HDAC9: variants seen among roughly 807,000 people sequenced by gnomAD.
The protein encoded by HDAC9 is histone deacetylase 9, also known as MEF-2 interacting transcription repressor (MITR) protein.
Under a neutral mutation model 139.4 loss-of-function variants are expected in HDAC9, and 41 were observed. That is an observed-to-expected ratio of 0.29 (90% CI 0.23 to 0.38). HDAC9 has a LOEUF of 0.38. HDAC9 is among the 10% of genes least tolerant of loss of function. The pLI is 1.00. For synonymous variants in HDAC9, 517 were observed against 476.2 expected (o/e 1.09, Z -1.12); for missense variants, 1,147 against 1,297.0 (o/e 0.88, Z 1.78).
At chr7:18,708,410 T>C (rs1330992097) in intron 12 of HDAC9, among the ~76,000 whole-genome samples, 1 of 152,204 alleles carries the variant, frequency 6.6e-6, no homozygotes, top group East Asian at 1.9e-4. Context: ...TGGCTTTCTC[T>C]AACTGTCACA....
intron 11 of HDAC9, among the ~76,000 whole-genome samples, chr7:18,652,221 A>T (rs1260621609): frequency 2.6e-5 from 4 of 152,116 alleles, no homozygotes; most frequent in African/African-American, 9.6e-5. Context: ...TTATACCAGC[A>T]TCAAGGGAAG....
intron 25 of HDAC9, among the ~76,000 whole-genome samples, chr7:18,980,745 CCTTCTTCTTCTTCCTTCTT>C (rs1784877116): frequency 3.1e-5 from 1 of 32,680 alleles, no homozygotes; most frequent in African/African-American, 9.5e-5. Context: ...TCTTCTTCTT[CCTTCTTCTTCTTCCTTCTT>C]CTTCTTCTTC....
chr7:18,696,113 T>C (rs1055709553), intron 12 of HDAC9, among the ~76,000 whole-genome samples: 6 of 151,996 alleles, frequency 3.9e-5, no homozygotes, highest in African/African-American at 1.4e-4. Context: ...ATATCATTTT[T>C]GTCTTTTCCT....
chr7:18,421,409 GAAGGAAGGAAAGGA>G (rs1340035030), intron 1 of HDAC9, among the ~76,000 whole-genome samples: 2 of 147,728 alleles, frequency 1.4e-5, no homozygotes, highest in Admixed American at 6.8e-5. Context: ...GGGAAGAAAA[GAAGGAAGGAAAGGA>G]AAGGAAGGAA....
chr7:18,829,601 T>A (rs1167613431), intron 19 of HDAC9, 53 bp downstream of exon 19: 1 of 1,125,936 alleles, frequency 8.9e-7, no homozygotes, highest in East Asian at 2.4e-5. Context: ...TAAAGGGGAG[T>A]GGATTTGTAT....
At chr7:18,855,002 TA>T (rs1797571171) in intron 21 of HDAC9, among the ~76,000 whole-genome samples, 2 of 152,252 alleles carry the variant, frequency 1.3e-5, no homozygotes, top group South Asian at 4.1e-4. Context: ...AATGCTTTCA[TA>T]ATATAATGGG....
chr7:18,519,105 A>T (rs1316118385), intron 2 of HDAC9, among the ~76,000 whole-genome samples: 1 of 152,234 alleles, frequency 6.6e-6, no homozygotes, highest in African/African-American at 2.4e-5. Context: ...TACTTCATAG[A>T]TCAATATGAA....
chr7:18,545,304 A>G (rs760852847), intron 2 of HDAC9, among the ~76,000 whole-genome samples: 10 of 152,036 alleles, frequency 6.6e-5, no homozygotes, highest in Non-Finnish European at 2.9e-5. Flanking sequence ...CTCTTTGTAA[A>G]ACTTGGTTTT....
intron 2 of HDAC9, among the ~76,000 whole-genome samples, chr7:18,534,750 C>G (rs772339611): frequency 3.9e-5 from 6 of 152,152 alleles, no homozygotes; most frequent in Non-Finnish European, 7.3e-5. Context: ...CTGTGCAGCT[C>G]TTGTGTCCCA....
intron 1 of HDAC9, among the ~76,000 whole-genome samples, chr7:18,357,272 G>C (rs1038908727): frequency 6.6e-6 from 1 of 152,070 alleles, no homozygotes; most frequent in Non-Finnish European, 1.5e-5. Flanking sequence ...ACATCAATCA[G>C]TATTAAGAAA....
intron 21 of HDAC9, among the ~76,000 whole-genome samples, chr7:18,837,250 A>T (rs1005163637): frequency 3.3e-5 from 5 of 151,916 alleles, no homozygotes; most frequent in Admixed American, 6.6e-5. Context: ...GTAGAAAAAA[A>T]TGGCTGGAAT....
chr7:18,921,962 G>A (rs1803777598), intron 22 of HDAC9, among the ~76,000 whole-genome samples: 1 of 151,164 alleles, frequency 6.6e-6, no homozygotes, highest in South Asian at 2.1e-4. Context: ...ATCATTCTCA[G>A]CAAACTCTCA....
At chr7:18,562,888 G>A (rs1183996238) in intron 2 of HDAC9, among the ~76,000 whole-genome samples, 1 of 152,040 alleles carries the variant, frequency 6.6e-6, no homozygotes, top group Non-Finnish European at 1.5e-5. Context: ...AAAATGAAAT[G>A]TTTTTCATTC....
intron 2 of HDAC9, among the ~76,000 whole-genome samples, chr7:18,280,306 G>A (rs1214878823): frequency 2.0e-5 from 3 of 152,004 alleles, no homozygotes; most frequent in Non-Finnish European, 2.9e-5. Context: ...TTAAAAATTA[G>A]CAGCTGGGTG....
intron 17 of HDAC9, among the ~76,000 whole-genome samples, chr7:18,800,486 C>G (rs148173903): frequency 3.9e-5 from 6 of 152,230 alleles, no homozygotes; most frequent in Non-Finnish European, 8.8e-5. Context: ...TGTTTCTGAG[C>G]ATATGTTTAC....
At chr7:18,255,139 T>C (rs1231068184) in intron 2 of HDAC9, among the ~76,000 whole-genome samples, 1 of 152,216 alleles carries the variant, frequency 6.6e-6, no homozygotes. Flanking sequence ...GACTAAGTTG[T>C]TGTTGGTAGT....
At chr7:18,396,243 GA>G (rs2128728745) in intron 1 of HDAC9, among the ~76,000 whole-genome samples, 1 of 151,950 alleles carries the variant, frequency 6.6e-6, no homozygotes, top group South Asian at 2.1e-4. Context: ...GAGTAGATGT[GA>G]ATAAGAAACA....
chr7:18,784,994 T>C (rs62446631), intron 16 of HDAC9, among the ~76,000 whole-genome samples: 3 of 151,806 alleles, frequency 2.0e-5, no homozygotes, highest in Non-Finnish European at 2.9e-5. Flanking sequence ...CATGTGTGTG[T>C]TTTGTATAGA....
intron 1 of HDAC9, among the ~76,000 whole-genome samples, chr7:18,394,228 G>C: frequency 6.6e-6 from 1 of 152,094 alleles, no homozygotes; most frequent in East Asian, 1.9e-4. Flanking sequence ...ACACTCAAAG[G>C]TTGGGGCTGT....
Sources: allele counts gnomAD v4.1 joint callset (sites outside exome capture counted in the v4.1 genomes callset), GRCh38; gene constraint gnomAD v4.1.1; transcripts MANE v1.5; gene names NCBI Gene and HGNC (gene_info 2026-07-23, HGNC 2026-07-21).